The following EPHA7 variants were observed in gnomAD, a reference collection of about 807,000 sequenced individuals.
EPHA7 encodes the protein EPH receptor A7.
A neutral mutation model predicts 112.6 loss-of-function variants in EPHA7; 25 were observed. That is an observed-to-expected ratio of 0.22 (90% CI 0.16 to 0.31). The LOEUF (loss-of-function observed/expected upper bound fraction) is 0.31. Among genes scored for constraint, EPHA7 ranks in the 10% least tolerant of loss-of-function variants. The pLI, the probability that EPHA7 is intolerant of heterozygous loss-of-function variation, is 1.00. For synonymous variants in EPHA7, 437 were observed against 406.5 expected, an observed-to-expected ratio of 1.07 and a Z score of -0.90; for missense variants, 962 against 1,212.6, an observed-to-expected ratio of 0.79 and a Z score of 3.07.
chr6:93,357,822 T>G (rs969663556), intron 4 of EPHA7, among the ~76,000 whole-genome samples: 6 of 151,910 alleles, frequency 3.9e-5, no homozygotes, highest in Non-Finnish European at 7.4e-5. Context: ...CCCAGCTAAT[T>G]TTTGTATTTT....
At chr6:93,328,893 T>C (rs779576465) in intron 5 of EPHA7, among the ~76,000 whole-genome samples, 2 of 151,442 alleles carry the variant, frequency 1.3e-5, no homozygotes, top group Non-Finnish European at 3.0e-5. Flanking sequence ...TGAAAAGTAC[T>C]ATTTTCTAAT....
chr6:93,302,258 C>T (rs1773022600), intron 5 of EPHA7, among the ~76,000 whole-genome samples: 1 of 152,076 alleles, frequency 6.6e-6, no homozygotes, highest in South Asian at 2.1e-4. Context: ...AGATTTTAGT[C>T]CCTAGCTCAC....
intron 5 of EPHA7, among the ~76,000 whole-genome samples, chr6:93,341,467 T>C (rs1432731321): frequency 6.6e-6 from 1 of 151,764 alleles, no homozygotes; most frequent in East Asian, 1.9e-4. Context: ...AATTAAGAGA[T>C]AGAAATTATG....
intron 3 of EPHA7, among the ~76,000 whole-genome samples, chr6:93,376,700 C>A (rs920515973): frequency 6.6e-6 from 1 of 152,056 alleles, no homozygotes; most frequent in South Asian, 2.1e-4. Context: ...AACGGAAGCC[C>A]CACATTTGAG....
chr6:93,298,075 A>ATGCC (rs1206840086), intron 5 of EPHA7, among the ~76,000 whole-genome samples: 1 of 152,182 alleles, frequency 6.6e-6, no homozygotes, highest in East Asian at 1.9e-4. Flanking sequence ...AAGTAAAACA[A>ATGCC]TGCCATATTA....
In EPHA7 at chr6:93,296,438, T is replaced by C. The variant is rs912330906; in HGVS notation, c.1325-24016A>G. On this transcript the variant is annotated intron_variant, in intron 5 of 16. Transcript: ENST00000369303. ...ATTCATAGCATATATATATAAAATA[T>C]ATAAATATATATATAAATATATATA... 6.8e-3 allele frequency among the ~76,000 whole-genome samples: 540 copies of C among 79,110 alleles called. 3 individuals carry two copies. Among genetic ancestry groups the C allele is most frequent in the South Asian group, 0.02 (36 of 1,788 alleles). The allele number at this position is 79,110 out of a possible 152,430, so 51.9% of individuals were successfully genotyped here. A position where few individuals can be genotyped will look rare whatever the true frequency, so the allele number is the denominator to read the frequency against.
intron 8 of EPHA7, 148 bp downstream of exon 8, chr6:93,264,446 G>T: frequency 2.1e-6 from 1 of 476,402 alleles, no homozygotes. Context: ...GATCTTGAAG[G>T]AATGACACAT....
At chr6:93,376,722 G>A (rs1777077507) in intron 3 of EPHA7, among the ~76,000 whole-genome samples, 1 of 152,160 alleles carries the variant, frequency 6.6e-6, no homozygotes, top group Admixed American at 6.6e-5. Flanking sequence ...AAATGTAAGA[G>A]CTTTTTGACT....
At chr6:93,338,765 C>T (rs1053610779) in intron 5 of EPHA7, among the ~76,000 whole-genome samples, 1 of 151,514 alleles carries the variant, frequency 6.6e-6, no homozygotes, top group African/African-American at 2.4e-5. Context: ...AAATAATTGT[C>T]TTCCAAAGTT....
intron 4 of EPHA7, 115 bp from the exon 5 acceptor site, chr6:93,357,167 A>T: frequency 1.3e-6 from 1 of 743,268 alleles, no homozygotes; most frequent in Non-Finnish European, 2.1e-6. Flanking sequence ...ATTACCAAAG[A>T]GAAAACGAGT....
intron 3 of EPHA7, among the ~76,000 whole-genome samples, chr6:93,404,112 T>A (rs1778569397): frequency 6.6e-6 from 1 of 152,046 alleles, no homozygotes; most frequent in African/African-American, 2.4e-5. Context: ...GAAATTTACA[T>A]GCAAGTTTAA....
intron 5 of EPHA7, among the ~76,000 whole-genome samples, chr6:93,278,479 G>A (rs574857623): frequency 6.6e-6 from 1 of 152,080 alleles, no homozygotes; most frequent in Admixed American, 6.6e-5. Context: ...AATTCAGAAT[G>A]GTTAAGGAGT....
chr6:93,362,338 T>C (rs1042380643), intron 3 of EPHA7, among the ~76,000 whole-genome samples: 2 of 152,124 alleles, frequency 1.3e-5, no homozygotes, highest in Admixed American at 1.3e-4. Flanking sequence ...AGATCTGCTA[T>C]ATTACTGTTA....
chr6:93,284,541 A>G (rs916868636), intron 5 of EPHA7, among the ~76,000 whole-genome samples: 1 of 152,172 alleles, frequency 6.6e-6, no homozygotes, highest in African/African-American at 2.4e-5. Context: ...ATATGCACAC[A>G]TATGTTTATT....
intron 5 of EPHA7, among the ~76,000 whole-genome samples, chr6:93,350,791 G>A (rs556027182): frequency 2.0e-5 from 3 of 151,780 alleles, no homozygotes; most frequent in South Asian, 2.1e-4. Flanking sequence ...GAAATGTACT[G>A]CGGAAGATAC....
In EPHA7 at chr6:93,246,819, A is replaced by G. The variant is rs2127846896; in HGVS notation, c.2699T>C (p.Leu900Pro). 3.7e-6 allele frequency: 6 copies of G among 1,610,688 alleles called. No homozygotes were observed. The highest frequency in any genetic ancestry group is 5.1e-6 in the Non-Finnish European group (6 of 1,177,078). Residue 900 changes from leucine to proline, a missense_variant, in exon 15 of 17, where the codon CTG (leucine) becomes CCG (proline). Leu to Pro is a moderately conservative substitution (Grantham distance 98, BLOSUM62 -3). Transcript: ENST00000369303. Reference protein sequence around the residue: ...LDKMIRNPNSLKTPLGTCSRP... With the variant: ...LDKMIRNPNSPKTPLGTCSRP... ...ACTACAAGTTCCCAGGGGAGTTTTCAGACTATTTGGGTTTCGAATCATTTT... is the reference window on the plus strand; with the variant it reads ...ACTACAAGTTCCCAGGGGAGTTTTCGGACTATTTGGGTTTCGAATCATTTT...
intron 5 of EPHA7, among the ~76,000 whole-genome samples, chr6:93,348,301 C>G (rs1775506216): frequency 6.7e-6 from 1 of 149,546 alleles, no homozygotes. Context: ...GTCACCAAAC[C>G]AAAAAAAATA....
chr6:93,308,709 G>C (rs1474897156), intron 5 of EPHA7, among the ~76,000 whole-genome samples: 1 of 151,520 alleles, frequency 6.6e-6, no homozygotes, highest in African/African-American at 2.4e-5. Flanking sequence ...AGAGTTAATA[G>C]CTAGTTAGGA....
At chr6:93,380,305 G>T (rs1777271544) in intron 3 of EPHA7, among the ~76,000 whole-genome samples, 1 of 151,952 alleles carries the variant, frequency 6.6e-6, no homozygotes, top group Non-Finnish European at 1.5e-5. Flanking sequence ...AACTGTTAAA[G>T]GCATGAAATG....
Sources: allele counts gnomAD v4.1 joint callset (sites outside exome capture counted in the v4.1 genomes callset), GRCh38; gene constraint gnomAD v4.1.1; transcripts MANE v1.5; gene names NCBI Gene and HGNC (gene_info 2026-07-23, HGNC 2026-07-21).